Variants in NFIB observed in about 807,000 individuals in gnomAD.
NFIB encodes the protein nuclear factor I B.
A neutral mutation model predicts 61.5 loss-of-function variants in NFIB; 11 were observed. That is an observed-to-expected ratio of 0.18 (90% CI 0.11 to 0.30). NFIB has a LOEUF of 0.30. Ranked by LOEUF, NFIB falls within the 10% of genes least tolerant of loss-of-function variation. The pLI, the probability that NFIB is intolerant of heterozygous loss-of-function variation, is 1.00. For synonymous variants in NFIB, 260 were observed against 216.5 expected (o/e 1.20, Z -1.76); for missense variants, 471 against 608.9 (o/e 0.77, Z 2.38).
the NFIB span, among the ~76,000 whole-genome samples, chr9:14,478,751 T>C: frequency 6.6e-6 from 1 of 152,224 alleles, no homozygotes; most frequent in Non-Finnish European, 1.5e-5. Flanking sequence ...TCTACAATTT[T>C]TCACTCTTAT....
chr9:14,089,055 CTGCT>C (rs1192630333), intron 10 of NFIB, among the ~76,000 whole-genome samples: 1 of 152,102 alleles, frequency 6.6e-6, no homozygotes, highest in Non-Finnish European at 1.5e-5. Flanking sequence ...ACAAAGGTCT[CTGCT>C]TGCACTGATT....
the NFIB span, among the ~76,000 whole-genome samples, chr9:14,451,981 T>A: frequency 6.6e-6 from 1 of 152,170 alleles, no homozygotes; most frequent in Admixed American, 6.5e-5. Flanking sequence ...GGGGCGAGGA[T>A]GCAGTTAAGA....
intron 1 of NFIB, among the ~76,000 whole-genome samples, chr9:14,326,274 G>A (rs903121237): frequency 6.6e-6 from 1 of 152,126 alleles, no homozygotes; most frequent in African/African-American, 2.4e-5. Context: ...AAACAAATGC[G>A]ATACCATTCC....
chr9:14,387,816 G>C (rs114675410), intron 1 of NFIB, among the ~76,000 whole-genome samples: 3,244 of 152,266 alleles, frequency 0.021, 99 homozygotes, highest in African/African-American at 0.073. Context: ...TCTTGGGGCA[G>C]TATTTTCCAA....
chr9:14,338,052 T>C (rs1294061973), intron 1 of NFIB, among the ~76,000 whole-genome samples: 1 of 152,180 alleles, frequency 6.6e-6, no homozygotes, highest in Non-Finnish European at 1.5e-5. Context: ...TGGCTCTCTA[T>C]GTGTAGCTGT....
chr9:14,116,423 C>T, intron 8 of NFIB, 77 bp from the exon 9 acceptor site: 3 of 1,371,530 alleles, frequency 2.2e-6, no homozygotes, highest in Non-Finnish European at 1.9e-6. Flanking sequence ...ACTCAGCACA[C>T]ACGACTGTGT....
chr9:14,529,936 C>T, the NFIB span, among the ~76,000 whole-genome samples: 2 of 152,146 alleles, frequency 1.3e-5, no homozygotes, highest in Non-Finnish European at 2.9e-5. Flanking sequence ...TAATAATATT[C>T]ACAGCCTACT....
intron 2 of NFIB, among the ~76,000 whole-genome samples, chr9:14,305,406 A>G (rs1461216203): frequency 6.6e-6 from 1 of 152,174 alleles, no homozygotes; most frequent in East Asian, 1.9e-4. Flanking sequence ...TCAATCCAAC[A>G]CATATATACA....
the NFIB span, among the ~76,000 whole-genome samples, chr9:14,487,518 G>A: frequency 6.6e-6 from 1 of 152,212 alleles, no homozygotes; most frequent in Non-Finnish European, 1.5e-5. Flanking sequence ...TGGCCATAGT[G>A]TGGGATGCCC....
intron 1 of NFIB, among the ~76,000 whole-genome samples, chr9:14,380,375 C>T (rs539333655): frequency 2.0e-5 from 3 of 152,292 alleles, no homozygotes; most frequent in African/African-American, 7.2e-5. Context: ...CTGATGCTTG[C>T]CTAATACTTT....
intron 9 of NFIB, among the ~76,000 whole-genome samples, chr9:14,115,222 T>G (rs2037945085): frequency 6.6e-6 from 1 of 151,968 alleles, no homozygotes; most frequent in East Asian, 1.9e-4. Context: ...GAATGAGTGG[T>G]GCATGCCTCT....
the NFIB span, among the ~76,000 whole-genome samples, chr9:14,518,202 G>T: frequency 7.2e-5 from 11 of 152,180 alleles, no homozygotes; most frequent in Admixed American, 7.2e-4. Flanking sequence ...TCATCATAAA[G>T]ATATTTTTCT....
At chr9:14,312,632 G>C (rs906860775) in intron 1 of NFIB, among the ~76,000 whole-genome samples, 3 of 152,100 alleles carry the variant, frequency 2.0e-5, no homozygotes, top group South Asian at 2.1e-4. Flanking sequence ...TACAAATCGT[G>C]TTTCTAAAAA....
chr9:14,402,047 G>A (rs772128018), upstream of NFIB, among the ~76,000 whole-genome samples: 1 of 152,112 alleles, frequency 6.6e-6, no homozygotes, highest in Non-Finnish European at 1.5e-5. Flanking sequence ...TTTTTACAAG[G>A]CATATGGAAA....
In NFIB at chr9:14,120,059, G is replaced by C. The variant is rs1458501330; in HGVS notation, c.1245+381C>G. 6.6e-6 allele frequency among the ~76,000 whole-genome samples: 1 copy of C among 152,100 alleles called. No homozygotes were observed. The highest frequency in any genetic ancestry group is 1.5e-5 in the Non-Finnish European group (1 of 68,020). On this transcript the variant is annotated intron_variant, in intron 8 of 10. Coordinates refer to ENST00000380953, the MANE Select transcript of NFIB (RefSeq NM_001190737.2). This position sits in a 1 kb window ranked among gnomAD's most constrained non-coding sequence, Gnocchi z 4.4. The stretch of plus-strand genomic sequence containing the variant: ...TAAATACAACTGTAAGTTCTTTTGT[G>C]TGTGTTTATTTTAGCACATACCTTA...
chr9:14,434,237 G>C, the NFIB span, among the ~76,000 whole-genome samples: 10 of 152,158 alleles, frequency 6.6e-5, no homozygotes, highest in Non-Finnish European at 1.2e-4. Flanking sequence ...GATAGGAGAG[G>C]ATTCACTGGG....
At chr9:14,379,988 T>TC (rs1271201627) in intron 1 of NFIB, among the ~76,000 whole-genome samples, 2 of 151,830 alleles carry the variant, frequency 1.3e-5, no homozygotes, top group Admixed American at 1.3e-4. Flanking sequence ...CAGTCAGATT[T>TC]TTTTTTTTTA....
At chr9:14,399,518 T>A, upstream of NFIB, among the ~76,000 whole-genome samples, 1 of 152,202 alleles carries the variant, frequency 6.6e-6, no homozygotes, top group East Asian at 1.9e-4. Flanking sequence ...AATAACAGCT[T>A]GAAATAAAAA....
chr9:14,228,900 T>C (rs559074429), intron 2 of NFIB, among the ~76,000 whole-genome samples: 1 of 152,320 alleles, frequency 6.6e-6, no homozygotes, highest in African/African-American at 2.4e-5. Context: ...AAAGATCTTA[T>C]CTTTTTGGAA....
Sources: allele counts gnomAD v4.1 joint callset (sites outside exome capture counted in the v4.1 genomes callset), GRCh38; gene constraint gnomAD v4.1.1; non-coding constraint Gnocchi (gnomAD v3.1); transcripts MANE v1.5; gene names NCBI Gene and HGNC (gene_info 2026-07-23, HGNC 2026-07-21).